EEFSEC: variants seen among roughly 807,000 people sequenced by gnomAD.
EEFSEC encodes eukaryotic elongation factor, selenocysteine-tRNA specific.
EEFSEC carries 43 observed loss-of-function variants against 42.1 expected under a neutral mutation model. The ratio of observed to expected loss-of-function variants is 1.02; its 90% CI spans 0.80 to 1.32. EEFSEC has a LOEUF of 1.32. Ranked by LOEUF, EEFSEC falls within the 40% of genes most tolerant of loss-of-function variation. The pLI, the probability that EEFSEC is intolerant of heterozygous loss-of-function variation, is 0.00. For synonymous variants in EEFSEC, 354 were observed against 339.1 expected, an observed-to-expected ratio of 1.04 and a Z score of -0.48; for missense variants, 745 against 803.6, an observed-to-expected ratio of 0.93 and a Z score of 0.88.
At chr3:128,271,318 C>T (rs112598351) in intron 4 of EEFSEC, among the ~76,000 whole-genome samples, 39 of 152,370 alleles carry the variant, frequency 2.6e-4, no homozygotes, top group African/African-American at 8.4e-4. Context: ...GGCTTTCCAA[C>T]ACCTGTGGAT....
chr3:128,372,722 G>T (rs975525850), intron 6 of EEFSEC, among the ~76,000 whole-genome samples: 3 of 152,188 alleles, frequency 2.0e-5, no homozygotes, highest in African/African-American at 7.2e-5. Context: ...CACCCCCTGA[G>T]GTGGGCACTA....
chr3:128,229,599 T>C (rs1041023880), intron 1 of EEFSEC, among the ~76,000 whole-genome samples: 5 of 152,262 alleles, frequency 3.3e-5, no homozygotes, highest in African/African-American at 1.2e-4. Flanking sequence ...TCTTCGAACT[T>C]TCCTTTCTAG....
At chr3:128,356,505 T>C (rs1045654799) in intron 5 of EEFSEC, among the ~76,000 whole-genome samples, 6 of 152,240 alleles carry the variant, frequency 3.9e-5, no homozygotes, top group African/African-American at 1.4e-4. Flanking sequence ...GAAAATGTTC[T>C]GTCTTTGGAG....
chr3:128,415,683 G>A, the EEFSEC span, among the ~76,000 whole-genome samples: 5 of 152,298 alleles, frequency 3.3e-5, no homozygotes, highest in East Asian at 1.9e-4. Context: ...CCTCAACCTC[G>A]GGGCTCTCGC....
chr3:128,339,344 C>T (rs976954790), intron 4 of EEFSEC, among the ~76,000 whole-genome samples: 6 of 152,162 alleles, frequency 3.9e-5, no homozygotes, highest in East Asian at 1.9e-4. Flanking sequence ...AATGAGTGTT[C>T]GTACACCCTG....
chr3:128,239,514 G>C (rs1170547031), intron 1 of EEFSEC, among the ~76,000 whole-genome samples: 2 of 152,200 alleles, frequency 1.3e-5, no homozygotes, highest in East Asian at 3.9e-4. Flanking sequence ...GGCAGAGCGA[G>C]ATGCTTACCC....
At chr3:128,215,268 A>G (rs1270230429) in intron 1 of EEFSEC, among the ~76,000 whole-genome samples, 4 of 152,204 alleles carry the variant, frequency 2.6e-5, no homozygotes, top group Non-Finnish European at 4.4e-5. Context: ...CCTGCATTTA[A>G]GATGAGATTG....
chr3:128,204,668 G>A (rs924255868), intron 1 of EEFSEC, among the ~76,000 whole-genome samples: 5 of 152,096 alleles, frequency 3.3e-5, no homozygotes, highest in South Asian at 2.1e-4. Context: ...TTCAAAGCCA[G>A]GTTGCACAGT....
intron 4 of EEFSEC, among the ~76,000 whole-genome samples, chr3:128,266,531 G>A (rs185410610): frequency 4.0e-5 from 6 of 151,886 alleles, no homozygotes; most frequent in African/African-American, 1.4e-4. Context: ...GGGGCCAGGG[G>A]TATTAGGGAA....
intron 1 of EEFSEC, among the ~76,000 whole-genome samples, chr3:128,197,963 T>A (rs895177193): frequency 5.9e-5 from 9 of 152,244 alleles, no homozygotes; most frequent in African/African-American, 1.9e-4. Flanking sequence ...CGTCTGTCTC[T>A]GCCTGTGACT....
chr3:128,177,383 A>G (rs1027936890), intron 1 of EEFSEC, among the ~76,000 whole-genome samples: 37 of 146,920 alleles, frequency 2.5e-4, no homozygotes, highest in Admixed American at 2.1e-4. Context: ...TCAATTGGAG[A>G]AATAGTGACA....
At chr3:128,413,970 G>T in the EEFSEC span, among the ~76,000 whole-genome samples, 1 of 151,052 alleles carries the variant, frequency 6.6e-6, no homozygotes, top group African/African-American at 2.5e-5. Flanking sequence ...GCAAAGGGCC[G>T]CCGAGGGGCC....
chr3:128,202,036 CTTTGA>C (rs1228942778), intron 1 of EEFSEC, among the ~76,000 whole-genome samples: 1 of 151,670 alleles, frequency 6.6e-6, no homozygotes, highest in Non-Finnish European at 1.5e-5. Context: ...CTCTATTGTA[CTTTGA>C]TTTGTTTGTC....
intron 5 of EEFSEC, among the ~76,000 whole-genome samples, chr3:128,345,860 G>A (rs1054826296): frequency 6.6e-6 from 1 of 152,186 alleles, no homozygotes; most frequent in Non-Finnish European, 1.5e-5. Flanking sequence ...TCATATATTC[G>A]GATGTTTACT....
At chr3:128,187,798 A>G (rs1386881761) in intron 1 of EEFSEC, among the ~76,000 whole-genome samples, 1 of 152,216 alleles carries the variant, frequency 6.6e-6, no homozygotes, top group Non-Finnish European at 1.5e-5. Flanking sequence ...AGAAAAAGTG[A>G]CATTTGTGTG....
At chr3:128,396,291 G>A (rs1029300952) in intron 6 of EEFSEC, among the ~76,000 whole-genome samples, 44 of 152,196 alleles carry the variant, frequency 2.9e-4, no homozygotes, top group African/African-American at 1.0e-3. Context: ...CAGCTACCTG[G>A]AGAGGAAGCT....
At chr3:128,383,284 CT>C (rs2107616398) in intron 6 of EEFSEC, among the ~76,000 whole-genome samples, 1 of 152,364 alleles carries the variant, frequency 6.6e-6, no homozygotes, top group Non-Finnish European at 1.5e-5. Flanking sequence ...ACCCCCACCC[CT>C]GGAACAGGGC....
chr3:128,417,756 G>A, the EEFSEC span, among the ~76,000 whole-genome samples: 158 of 152,188 alleles, frequency 1.0e-3, 2 homozygotes, highest in African/African-American at 3.4e-3. This position sits in a 1 kb window ranked among gnomAD's most constrained non-coding sequence, Gnocchi z 4.3. Flanking sequence ...CATTATTGCC[G>A]TAACTGTTAC....
chr3:128,293,660 C>CAAAAAAAAAAAAAAAAA (rs759485696), intron 4 of EEFSEC, among the ~76,000 whole-genome samples: 30 of 14,112 alleles, frequency 2.1e-3, no homozygotes, highest in African/African-American at 3.2e-3. Context: ...GACTCTATCT[C>CAAAAAAAAAAAAAAAAA]AAAAAAAAAA....
Sources: gnomAD v4.1 joint callset for allele counts (sites outside exome capture counted in the v4.1 genomes callset) on GRCh38, gnomAD v4.1.1 for gene constraint, Gnocchi (gnomAD v3.1) non-coding constraint, MANE v1.5 for transcripts, NCBI Gene and HGNC (gene_info 2026-07-23, HGNC 2026-07-21) for gene names.